The following POU6F2 variants were observed in gnomAD, a reference collection of about 807,000 sequenced individuals.
The protein encoded by POU6F2 is POU class 6 homeobox 2.
A neutral mutation model predicts 71.3 loss-of-function variants in POU6F2; 31 were observed. The observed-to-expected ratio is 0.43, with a 90% CI of 0.33 to 0.59. The LOEUF is 0.59. Among genes scored for constraint, POU6F2 ranks in the 20% least tolerant of loss-of-function variants. POU6F2 has a pLI of 0.04. For synonymous variants in POU6F2, 347 were observed against 355.7 expected (o/e 0.98, Z 0.27); for missense variants, 783 against 856.8 (o/e 0.91, Z 1.07).
At chr7:39,369,366 T>A (rs558271537) in intron 5 of POU6F2, among the ~76,000 whole-genome samples, 12 of 151,948 alleles carry the variant, frequency 7.9e-5, no homozygotes, top group Non-Finnish European at 1.8e-4. Context: ...TTTCTTTTTC[T>A]TTCTTTTTTT....
At chr7:39,230,298 G>C (rs1288505053) in intron 4 of POU6F2, among the ~76,000 whole-genome samples, 1 of 152,010 alleles carries the variant, frequency 6.6e-6, no homozygotes, top group Non-Finnish European at 1.5e-5. Context: ...GAGCAACATA[G>C]TGAGACCCTG....
chr7:39,234,648 A>C (rs1463608470), intron 4 of POU6F2, among the ~76,000 whole-genome samples: 1 of 152,136 alleles, frequency 6.6e-6, no homozygotes, highest in African/African-American at 2.4e-5. Context: ...TATGCAACCT[A>C]TCTCTAGGTG....
At chr7:39,221,629 C>G (rs1794363734) in intron 4 of POU6F2, among the ~76,000 whole-genome samples, 1 of 152,014 alleles carries the variant, frequency 6.6e-6, no homozygotes. Flanking sequence ...CTCAGTGATC[C>G]ACTCACCTCG....
chr7:39,285,406 T>G lies in POU6F2; in HGVS notation c.599-54236T>G, dbSNP rs144690525. ...GTCGTGTATTAGTCACTCACAGTTT[T>G]CTGCCCAACTCACCCACTAGCAAAA... On this transcript the variant is annotated intron_variant, in intron 4 of 9. Coordinates refer to ENST00000518318, the MANE Select transcript of POU6F2 (RefSeq NM_001370959.1). 2.6e-4 allele frequency among the ~76,000 whole-genome samples: 39 copies of G among 152,340 alleles called. No individual in the cohort carries two copies. The East Asian group carries it at 7.5e-3, about 29-fold the overall frequency.
rs190832945 is a variant in POU6F2, at chr7:39,230,655, C to G, written c.598+23035C>G. 2.2e-4 allele frequency among the ~76,000 whole-genome samples: 34 copies of G among 152,132 alleles called. No homozygotes were observed. In the East Asian group the frequency reaches 4.3e-3, roughly 19 times the overall value. On this transcript the variant is annotated intron_variant, in intron 4 of 9. Transcript: ENST00000518318. ...GCAATAGAAGAATTTGCAGGTAAAT[C>G]TAGAAAGGGGGAAAATCATAAAGGG...
At chr7:39,041,315 A>G (rs1790189732) in intron 1 of POU6F2, among the ~76,000 whole-genome samples, 1 of 152,000 alleles carries the variant, frequency 6.6e-6, no homozygotes, top group African/African-American at 2.4e-5. Context: ...TGATGCTTAT[A>G]TAATTGAGGT....
chr7:39,206,429 G>A (rs982708687), intron 3 of POU6F2, among the ~76,000 whole-genome samples: 1 of 152,066 alleles, frequency 6.6e-6, no homozygotes, highest in African/African-American at 2.4e-5. Context: ...ATTTTAATTG[G>A]GCAAATGATG....
At chr7:39,251,644 C>T (rs1287492991) in intron 4 of POU6F2, among the ~76,000 whole-genome samples, 3 of 152,148 alleles carry the variant, frequency 2.0e-5, no homozygotes, top group Non-Finnish European at 4.4e-5. Flanking sequence ...AATAAGAAGA[C>T]ATCTCCCCAG....
At position 39,207,449 on chromosome 7, in the gene POU6F2, C is replaced by T. The variant is rs1562746961; in HGVS notation, c.427C>T (p.Pro143Ser). 5 of 1,613,980 alleles carry T rather than the reference C, an allele frequency of 3.1e-6. No individual in the cohort carries two copies. Among genetic ancestry groups the T allele is most frequent in the East Asian group, 4.5e-5 (2 of 44,874 alleles). ...TGTGGCCGGCGTGATGCCGGGAGGC[C>T]CCCCAGCCCTCAACCAGCCAATCCT... ...SAVAGVMPGG[P>S]PALNQPILIP... The change falls in exon 4 of 10, where the codon CCC (proline) becomes TCC (serine). Residue 143 changes from proline to serine, a missense_variant. Physicochemically the swap from Pro to Ser is moderately conservative, Grantham distance 74. Transcript: ENST00000518318.
intron 1 of POU6F2, chr7:39,012,981 G>T (rs1238753426): frequency 6.6e-6 from 1 of 152,258 alleles, no homozygotes; most frequent in Admixed American, 6.5e-5. Flanking sequence ...CTGTCTTTTT[G>T]TTTGTCTGTG....
intron 5 of POU6F2, among the ~76,000 whole-genome samples, chr7:39,377,187 G>A (rs545014768): frequency 4.6e-5 from 7 of 151,552 alleles, no homozygotes; most frequent in African/African-American, 1.4e-4. Flanking sequence ...CTGGAGTGCA[G>A]TGGTGTGATC....
chr7:39,265,545 T>A (rs909800811), intron 4 of POU6F2, among the ~76,000 whole-genome samples: 1 of 152,234 alleles, frequency 6.6e-6, no homozygotes, highest in Non-Finnish European at 1.5e-5. Flanking sequence ...ATCCATAGTT[T>A]TACCGTTGAA....
At position 39,355,803 on chromosome 7, in the gene POU6F2, T is replaced by G. The variant is rs193248670; in HGVS notation, c.972+15788T>G. 4.2e-3 allele frequency among the ~76,000 whole-genome samples: 633 copies of G among 152,192 alleles called. 4 individuals are homozygous for G. Among genetic ancestry groups the G allele is most frequent in the African/African-American group, 0.014 (579 of 41,514 alleles). ...AAGCCTATTAAAATGAGAGACTAAG[T>G]AATATATTAAAAGCTGACAAGTAGT... On this transcript the variant is annotated intron_variant, in intron 5 of 9. Transcript: ENST00000518318.
intron 5 of POU6F2, among the ~76,000 whole-genome samples, chr7:39,390,332 G>T (rs567358411): frequency 6.6e-6 from 1 of 152,312 alleles, no homozygotes; most frequent in South Asian, 2.1e-4. Context: ...GGAGGTGGAG[G>T]CTGCAGTGAG....
chr7:39,145,422 C>T (rs1792599737), intron 2 of POU6F2, among the ~76,000 whole-genome samples: 1 of 152,178 alleles, frequency 6.6e-6, no homozygotes. Context: ...TCAAATAAAA[C>T]CTGCCTGAGC....
At chr7:39,389,307 AC>A (rs1431396593) in intron 5 of POU6F2, among the ~76,000 whole-genome samples, 1 of 152,224 alleles carries the variant, frequency 6.6e-6, no homozygotes, top group African/African-American at 2.4e-5. Flanking sequence ...CAATCTTGTC[AC>A]TGATGAATTC....
intron 1 of POU6F2, among the ~76,000 whole-genome samples, chr7:39,068,490 CAT>C (rs3057275): frequency 2.7e-4 from 40 of 146,634 alleles, no homozygotes; most frequent in Middle Eastern, 3.6e-3. Context: ...CTAGTACATG[CAT>C]ATATATATAT....
chr7:38,990,405 A>C (rs1047033109), intron 1 of POU6F2, among the ~76,000 whole-genome samples: 3 of 152,140 alleles, frequency 2.0e-5, no homozygotes, highest in African/African-American at 7.2e-5. Flanking sequence ...CTTTCTACTT[A>C]GTAGTTTGAA....
chr7:39,449,681 CA>C (rs1463387703), intron 7 of POU6F2, among the ~76,000 whole-genome samples: 1 of 152,000 alleles, frequency 6.6e-6, no homozygotes, highest in African/African-American at 2.4e-5. Context: ...ATCATAGCCC[CA>C]AACTGGAAAC....
Sources: gnomAD v4.1 joint callset for allele counts (sites outside exome capture counted in the v4.1 genomes callset) on GRCh38, gnomAD v4.1.1 for gene constraint, MANE v1.5 for transcripts, NCBI Gene and HGNC (gene_info 2026-07-23, HGNC 2026-07-21) for gene names.